ZPBP: variants seen among roughly 807,000 people sequenced by gnomAD.
ZPBP encodes zona pellucida-binding protein 1.
ZPBP carries 26 observed loss-of-function variants against 44.8 expected under a neutral mutation model. The observed-to-expected ratio is 0.58, with a 90% CI of 0.43 to 0.81. The LOEUF (loss-of-function observed/expected upper bound fraction) is 0.81, where lower values mean the gene tolerates loss of function less well. Ranked by LOEUF, ZPBP falls within the 30% of genes least tolerant of loss-of-function variation. The probability of loss-of-function intolerance (pLI) is 0.00; values close to 1 mark genes in which losing one functional copy is unlikely to be tolerated. For missense variants in ZPBP, 409 were observed against 434.0 expected, an observed-to-expected ratio of 0.94 and a Z score of 0.51; for synonymous variants, 174 against 153.2, an observed-to-expected ratio of 1.14 and a Z score of -1.00.
chr7:49,877,669 C>T (rs932238783), intron 2 of ZPBP, among the ~76,000 whole-genome samples: 24 of 148,948 alleles, frequency 1.6e-4, no homozygotes, highest in African/African-American at 5.4e-4. Flanking sequence ...TGTGGTACCC[C>T]GAGAGTCATG....
At chr7:50,090,766 C>T (rs1345306910) in intron 1 of ZPBP, among the ~76,000 whole-genome samples, 2 of 151,986 alleles carry the variant, frequency 1.3e-5, no homozygotes, top group East Asian at 3.8e-4. Flanking sequence ...AATTGTGCTG[C>T]TATCAACGTG....
At chr7:49,979,210 A>T (rs1796666366) in intron 7 of ZPBP, among the ~76,000 whole-genome samples, 1 of 151,992 alleles carries the variant, frequency 6.6e-6, no homozygotes, top group African/African-American at 2.4e-5. Flanking sequence ...AGTCTCACCG[A>T]GAAAGCCGTA....
At chr7:49,979,784 CTA>C (rs1209746640) in intron 7 of ZPBP, among the ~76,000 whole-genome samples, 1 of 135,254 alleles carries the variant, frequency 7.4e-6, no homozygotes, top group Non-Finnish European at 1.5e-5. Flanking sequence ...TTGGGTATTT[CTA>C]TGTTTTTCTT....
At chr7:49,989,110 C>A (rs1384471271) in intron 6 of ZPBP, among the ~76,000 whole-genome samples, 1 of 152,152 alleles carries the variant, frequency 6.6e-6, no homozygotes, top group Non-Finnish European at 1.5e-5. Context: ...GATCCATTTT[C>A]TTTTGCAACA....
chr7:50,062,632 T>C (rs908760637), intron 3 of ZPBP, among the ~76,000 whole-genome samples: 11 of 152,130 alleles, frequency 7.2e-5, no homozygotes, highest in African/African-American at 1.7e-4. Flanking sequence ...GTGCACAAGA[T>C]TGAAACTGGC....
At chr7:49,962,360 T>C (rs1430261055) in intron 7 of ZPBP, among the ~76,000 whole-genome samples, 2 of 151,884 alleles carry the variant, frequency 1.3e-5, no homozygotes, top group Non-Finnish European at 2.9e-5. Context: ...AATCAATCAA[T>C]GCATCATAAA....
At chr7:49,899,564 G>GT (rs1792594609) in intron 2 of ZPBP, among the ~76,000 whole-genome samples, 1 of 151,962 alleles carries the variant, frequency 6.6e-6, no homozygotes, top group South Asian at 2.1e-4. Context: ...AACAAGGAAA[G>GT]TTATCAGCCA....
intron 3 of ZPBP, among the ~76,000 whole-genome samples, chr7:50,066,875 C>T (rs1010057270): frequency 5.9e-5 from 9 of 152,070 alleles, no homozygotes; most frequent in East Asian, 3.9e-4. Flanking sequence ...TAGGACTATT[C>T]GGGTCGGGCG....
chr7:49,878,258 A>C (rs1162697572), intron 2 of ZPBP, among the ~76,000 whole-genome samples: 1 of 152,100 alleles, frequency 6.6e-6, no homozygotes, highest in African/African-American at 2.4e-5. Context: ...ATATGTTAAT[A>C]TTGTGGTTTT....
rs71018432 is a variant in ZPBP at position 49,875,369 on chromosome 7, C to CAAAAAAAAAAA, written n.510-24866_510-24856dup. ...TGGGTAACAGAGTGAGATTCTGACTCAAAAAAAAAAAAAAAAAAAAAAAAA... is the reference window on the plus strand; with the variant it reads ...TGGGTAACAGAGTGAGATTCTGACTCAAAAAAAAAAAAAAAAAAAAAAAAAAAAAAAAAAAA... On this transcript the variant is annotated intron_variant and non_coding_transcript_variant, in intron 2 of 2. Coordinates refer to the ZPBP transcript ENST00000465922. 9.9e-3 allele frequency among the ~76,000 whole-genome samples: 188 copies of CAAAAAAAAAAA among 19,020 alleles called. 47 individuals are homozygous for CAAAAAAAAAAA. The highest frequency in any genetic ancestry group is 0.042 in the East Asian group (13 of 308). The allele number at this position is 19,020 out of a possible 152,430, so 12.5% of individuals were successfully genotyped here. A position where few individuals can be genotyped will look rare whatever the true frequency, so the allele number is the denominator to read the frequency against.
chr7:49,990,267 G>C (rs1477407130), intron 6 of ZPBP, among the ~76,000 whole-genome samples: 1 of 152,230 alleles, frequency 6.6e-6, no homozygotes, highest in Non-Finnish European at 1.5e-5. Context: ...ACTGACAGCA[G>C]AGGGGATAGG....
At chr7:49,849,237 T>C (rs1005067402), downstream of ZPBP, among the ~76,000 whole-genome samples, 4 of 152,206 alleles carry the variant, frequency 2.6e-5, no homozygotes, top group Non-Finnish European at 5.9e-5. Flanking sequence ...TATCACAAAA[T>C]GCTTTTGTCT....
At chr7:49,935,599 A>G (rs62445818), downstream of ZPBP, among the ~76,000 whole-genome samples, 2,721 of 152,152 alleles carry the variant, frequency 0.018, 45 homozygotes, top group Non-Finnish European at 0.026. Context: ...GGGTTTCACC[A>G]TGTTGGCCAG....
At chr7:49,988,311 C>T (rs961252403) in intron 6 of ZPBP, among the ~76,000 whole-genome samples, 4 of 152,072 alleles carry the variant, frequency 2.6e-5, no homozygotes, top group Non-Finnish European at 5.9e-5. Flanking sequence ...TCAAATCAAA[C>T]CTCAGTTTCA....
chr7:49,929,068 T>C (rs1221415511), intron 1 of ZPBP, among the ~76,000 whole-genome samples: 1 of 152,184 alleles, frequency 6.6e-6, no homozygotes, highest in African/African-American at 2.4e-5. Flanking sequence ...AGAGCCAGTT[T>C]CCACTCCAAG....
chr7:49,986,855 A>G (rs1427371903), intron 6 of ZPBP, among the ~76,000 whole-genome samples: 1 of 152,198 alleles, frequency 6.6e-6, no homozygotes, highest in African/African-American at 2.4e-5. Context: ...GGGGTATCTT[A>G]GGATGGGATA....
chr7:49,918,546 G>A (rs1433092074), intron 1 of ZPBP: 17 of 152,096 alleles, frequency 1.1e-4, no homozygotes, highest in Non-Finnish European at 1.5e-5. Context: ...AAATAGTATT[G>A]AAGCATCAGG....
intron 7 of ZPBP, among the ~76,000 whole-genome samples, chr7:49,942,081 T>G (rs1296933670): frequency 1.3e-5 from 2 of 152,114 alleles, no homozygotes; most frequent in Non-Finnish European, 2.9e-5. Context: ...GAAGTTGGAT[T>G]CTTAGACCAT....
intron 7 of ZPBP, among the ~76,000 whole-genome samples, chr7:49,950,262 G>C (rs1260097571): frequency 6.6e-6 from 1 of 151,748 alleles, no homozygotes; most frequent in Admixed American, 6.6e-5. Context: ...CTATAACTGG[G>C]TATATTTATA....
Sources: allele counts gnomAD v4.1 joint callset (sites outside exome capture counted in the v4.1 genomes callset), GRCh38; gene constraint gnomAD v4.1.1; transcripts MANE v1.5; gene names NCBI Gene and HGNC (gene_info 2026-07-23, HGNC 2026-07-21).